Variants in CD69 observed in about 807,000 individuals in gnomAD.
CD69 encodes early activation antigen CD69.
Under a neutral mutation model 21.4 loss-of-function variants are expected in CD69, and 10 were observed. The ratio of observed to expected loss-of-function variants is 0.47; its 90% confidence interval spans 0.29 to 0.79. The LOEUF (loss-of-function observed/expected upper bound fraction) is 0.79, where lower values mean the gene tolerates loss of function less well. Among genes scored for constraint, CD69 ranks in the 30% least tolerant of loss-of-function variants. CD69 has a pLI of 0.09. For missense variants in CD69, 204 were observed against 236.9 expected, an observed-to-expected ratio of 0.86 and a Z score of 0.91; for synonymous variants, 63 against 78.2, an observed-to-expected ratio of 0.81 and a Z score of 1.03.
chr12:9,754,398 G>T, intron 4 of CD69, 189 bp downstream of exon 4: 1 of 446,084 alleles, frequency 2.2e-6, no homozygotes, highest in Admixed American at 3.7e-5. Context: ...TATTATAAGT[G>T]TGGATAAAGA....
At chr12:9,756,549 T>C (rs1348224757) in intron 1 of CD69, 130 bp from the exon 2 acceptor site, 8 of 746,150 alleles carry the variant, frequency 1.1e-5, no homozygotes, top group Admixed American at 3.5e-5. Flanking sequence ...CGTCTCTTTA[T>C]AGAAATTTCT....
At chr12:9,754,862 A>C (rs945845098) in intron 3 of CD69, 172 bp from the exon 4 acceptor site, 30 of 677,438 alleles carry the variant, frequency 4.4e-5, no homozygotes, top group Non-Finnish European at 7.3e-5. Flanking sequence ...CTAAGCAATC[A>C]AATCAAATTT....
intron 1 of CD69, among the ~76,000 whole-genome samples, chr12:9,757,760 G>C (rs999551683): frequency 1.3e-5 from 2 of 152,212 alleles, no homozygotes; most frequent in African/African-American, 4.8e-5. Flanking sequence ...GTGTGTGTAG[G>C]AAAGGTAATT....
rs745845783 is a variant in CD69 at position 9,753,527 on chromosome 12, T to A, written c.554A>T (p.Glu185Val). The A allele has an allele frequency of 1.1e-5, 17 of 1,584,774 alleles. No individual in the cohort carries two copies. Among genetic ancestry groups the A allele is most frequent in the Non-Finnish European group, 2.6e-6 (3 of 1,154,712 alleles). ...FLKNTEVSSM[E>V]CEKNLYWICN... is the part of the protein sequence containing the mutation. The stretch of plus-strand genomic sequence containing the variant: ...TATCCAGTATAAATTCTTCTCACAT[T>A]CCATGCTGCTGACCTCTGTGTTTTT... The change falls in exon 5 of 5, where the codon GAA (glutamate) becomes GTA (valine). Residue 185 changes from glutamate to valine, a missense_variant. Coordinates refer to ENST00000228434, the MANE Select transcript of CD69 (RefSeq NM_001781.2).
rs781545602 is a variant in CD69, at chr12:9,755,067, C to T, written c.382G>A (p.Asp128Asn). ...TATCTTTTTTTTATTCTTACCATGTCCTTTTCAGAATCAATGACAGCAAGA... is the reference window on the plus strand; with the variant it reads ...TATCTTTTTTTTATTCTTACCATGTTCTTTTCAGAATCAATGACAGCAAGA... Reference protein sequence around the residue: ...ATLAVIDSEKDMNFLKRYAGR... With the variant: ...ATLAVIDSEKNMNFLKRYAGR... The change falls in exon 3 of 5, where the codon GAC becomes AAC. Residue 128 changes from aspartate (D) to asparagine (N), a missense_variant. Transcript: ENST00000228434. 1.9e-6 allele frequency: 3 copies of T among 1,613,452 alleles called. No homozygotes were observed. Among genetic ancestry groups the T allele is most frequent in the Non-Finnish European group, 1.7e-6 (2 of 1,179,476 alleles).
chr12:9,756,469 A>G, intron 1 of CD69, 50 bp from the exon 2 acceptor site: 1 of 1,487,182 alleles, frequency 6.7e-7, no homozygotes, highest in Non-Finnish European at 9.1e-7. Context: ...TAGAAGTACT[A>G]TAGGAATATG....
Position 9,755,251 on chromosome 12 carries a change from G to A in CD69, c.198C>T (p.Tyr66=), listed in dbSNP as rs759413895. The change falls in exon 3 of 5, where the codon TAC becomes TAT. Residue 66 remains tyrosine (Y), a synonymous_variant. Transcript: ENST00000228434. The part of the protein sequence containing the change: ...IALIALSVGQ[Y]NCPGQYTFSM... ...AGAATGTGTATTGGCCTGGACAATT[G>A]TATTGGCCCACTGTGAACAGAAAAA... 35 of 1,613,732 alleles carry A rather than the reference G, an allele frequency of 2.2e-5. No homozygotes were observed. The highest frequency in any genetic ancestry group is 3.0e-5 in the Non-Finnish European group (35 of 1,179,614).
chr12:9,758,991 G>A (rs1866705609), intron 1 of CD69, among the ~76,000 whole-genome samples: 3 of 61,632 alleles, frequency 4.9e-5, no homozygotes, highest in East Asian at 9.0e-4. Flanking sequence ...GTGCAGTTGC[G>A]TGATCTCGGC....
In CD69 at chr12:9,753,287, G is replaced by A; in HGVS notation, c.*194C>T. 2.7e-6 allele frequency: 1 copy of A among 376,190 alleles called. No individual in the cohort carries two copies. The highest frequency in any genetic ancestry group is 4.8e-6 in the Non-Finnish European group (1 of 209,222). 23.3% of individuals were successfully genotyped at this position (376,190 alleles called of 1,614,324 possible). Reference sequence around the variant, plus strand: ...ATGCTTCTAGCTCATGGCAATAAAAGCCCACAGTGCAGATTTTCCTGGAAT... The same window carrying A: ...ATGCTTCTAGCTCATGGCAATAAAAACCCACAGTGCAGATTTTCCTGGAAT... On this transcript the variant is annotated 3_prime_UTR_variant, in exon 5 of 5. Coordinates refer to ENST00000228434, the MANE Select transcript of CD69 (RefSeq NM_001781.2).
At chr12:9,756,527 A>T in intron 1 of CD69, 108 bp from the exon 2 acceptor site, 1 of 915,380 alleles carries the variant, frequency 1.1e-6, no homozygotes, top group Non-Finnish European at 1.5e-6. Context: ...ATCTCATTAT[A>T]TGAAATTTCC....
chr12:9,754,735 G>A (rs763450109), intron 3 of CD69, 45 bp from the exon 4 acceptor site: 41 of 1,185,076 alleles, frequency 3.5e-5, no homozygotes, highest in Non-Finnish European at 4.9e-5. Flanking sequence ...ACACCCTTCT[G>A]GGGAAGTAGA....
chr12:9,760,479 A>G (rs372814512), intron 1 of CD69, among the ~76,000 whole-genome samples: 26 of 152,276 alleles, frequency 1.7e-4, no homozygotes, highest in South Asian at 1.7e-3. Flanking sequence ...ATCTTCTGAA[A>G]TTCATTTTTG....
In CD69 at chr12:9,758,970, T is replaced by C. The variant is rs145962859; in HGVS notation, c.64+1787A>G. Among the ~76,000 whole-genome samples, 394 of 150,560 alleles carry C rather than the reference T, an allele frequency of 2.6e-3. 1 individual carries two copies. The highest frequency in any genetic ancestry group is 7.6e-3 in the South Asian group (36 of 4,764). On this transcript the variant is annotated intron_variant, in intron 1 of 4. Transcript: ENST00000228434. ...TTTGAGACGGAGTCTCGCTCTGTCGTCCAGGCTGGAGTGCAGTTGCGTGAT... is the reference window on the plus strand; with the variant it reads ...TTTGAGACGGAGTCTCGCTCTGTCGCCCAGGCTGGAGTGCAGTTGCGTGAT...
Position 9,758,504 on chromosome 12 carries a change from T to C in CD69, c.65-2085A>G, listed in dbSNP as rs752302290. On this transcript the variant is annotated intron_variant, in intron 1 of 4. Transcript: ENST00000228434. ...TGGACCAAGAGAAGTTGCCTTTTTT[T>C]CACAGTAATTTACTGGGTACTGGTG... Among the ~76,000 whole-genome samples the C allele has an allele frequency of 9.2e-5, 14 of 152,350 alleles. No homozygotes were observed. In the South Asian group the frequency reaches 2.9e-3, roughly 32 times the overall value.
chr12:9,758,440 A>C (rs1174867234), intron 1 of CD69, among the ~76,000 whole-genome samples: 1 of 152,228 alleles, frequency 6.6e-6, no homozygotes, highest in Non-Finnish European at 1.5e-5. Flanking sequence ...CTTGAAATAC[A>C]CATATTTTTA....
intron 1 of CD69, among the ~76,000 whole-genome samples, chr12:9,758,349 A>G (rs1866699300): frequency 6.6e-6 from 1 of 152,212 alleles, no homozygotes; most frequent in Non-Finnish European, 1.5e-5. Context: ...CTGACAATGC[A>G]AAACAGTTTC....
rs913465401 is a variant in CD69 at position 9,753,460 on chromosome 12, A to G, written c.*21T>C. On this transcript the variant is annotated 3_prime_UTR_variant, in exon 5 of 5. Transcript: ENST00000228434. ...CTTGAGTTCCATTCTATAATAGTCA[A>G]TAAGTGAACATGTTTCCTTATTATT... is the stretch of plus-strand genomic sequence containing the variant. The G allele has an allele frequency of 1.8e-5, 18 of 1,027,964 alleles. No individual in the cohort carries two copies. Among genetic ancestry groups the G allele is most frequent in the African/African-American group, 1.4e-4 (9 of 63,134 alleles). 63.7% of individuals were successfully genotyped at this position (1,027,964 alleles called of 1,614,324 possible).
chr12:9,758,480 G>T (rs1780547943), intron 1 of CD69, among the ~76,000 whole-genome samples: 3 of 152,086 alleles, frequency 2.0e-5, no homozygotes, highest in South Asian at 4.1e-4. Context: ...AAGGTAAACT[G>T]GACCAAGAGA....
chr12:9,754,517 A>C, intron 4 of CD69, 70 bp downstream of exon 4: 2 of 863,106 alleles, frequency 2.3e-6, no homozygotes, highest in East Asian at 2.4e-5. Flanking sequence ...AGTGCTTTGA[A>C]AGGAGAAAAG....
Sources: allele counts gnomAD v4.1 joint callset (sites outside exome capture counted in the v4.1 genomes callset), GRCh38; gene constraint gnomAD v4.1.1; transcripts MANE v1.5; gene names NCBI Gene and HGNC (gene_info 2026-07-23, HGNC 2026-07-21).